HTR4: variants seen among roughly 807,000 people sequenced by gnomAD.
HTR4 encodes the protein 5-hydroxytryptamine receptor 4, also known as 5-hydroxytryptamine (serotonin) receptor 4, G protein-coupled.
HTR4 carries 16 observed loss-of-function variants against 36.8 expected under a neutral mutation model. That is an observed-to-expected ratio of 0.43 (90% CI 0.29 to 0.66). The LOEUF (loss-of-function observed/expected upper bound fraction) is 0.66. Ranked by LOEUF, HTR4 falls within the 30% of genes least tolerant of loss-of-function variation. The pLI, the probability that HTR4 is intolerant of heterozygous loss-of-function variation, is 0.13. For synonymous variants in HTR4, 189 were observed against 185.1 expected (o/e 1.02, Z -0.17); for missense variants, 438 against 490.9 (o/e 0.89, Z 1.02).
chr5:148,484,973 G>A (rs939567464), intron 6 of HTR4, among the ~76,000 whole-genome samples: 5 of 152,018 alleles, frequency 3.3e-5, no homozygotes, highest in African/African-American at 1.2e-4. Flanking sequence ...GAAAAAGAAG[G>A]AATGAAGGTT....
rs1256994844 is a variant in HTR4, at chr5:148,550,170, A to G, written c.119T>C (p.Val40Ala). The change falls in exon 3 of 7, where the codon GTG (valine) becomes GCG (alanine). Residue 40 changes from valine (V) to alanine (A), a missense_variant. Physicochemically the swap from Val to Ala is moderately conservative, Grantham distance 64. Transcript: ENST00000377888. ...CCTGTCCCAGCACACAGCCACCATC[A>G]CCAGCAGGTTCCCCAAGATGGCCAT... ...ILMAILGNLL[V>A]MVAVCWDRQL... 6 of 1,613,944 alleles carry G rather than the reference A, an allele frequency of 3.7e-6. No individual in the cohort carries two copies. Among genetic ancestry groups the G allele is most frequent in the Non-Finnish European group, 5.1e-6 (6 of 1,180,012 alleles).
intron 4 of HTR4, among the ~76,000 whole-genome samples, chr5:148,540,241 G>C (rs1403102479): frequency 2.0e-5 from 3 of 151,356 alleles, no homozygotes; most frequent in African/African-American, 7.3e-5. Context: ...TGGGAGGAGG[G>C]AGAGGAGTAG....
At chr5:148,531,106 TTGGACTG>T (rs1239715726) in intron 4 of HTR4, among the ~76,000 whole-genome samples, 4 of 152,150 alleles carry the variant, frequency 2.6e-5, no homozygotes, top group Admixed American at 2.6e-4. Flanking sequence ...AGATGAGATG[TTGGACTG>T]TGGACTTTTG....
chr5:148,524,201 T>C (rs1053484463), intron 4 of HTR4, among the ~76,000 whole-genome samples: 14 of 152,090 alleles, frequency 9.2e-5, no homozygotes, highest in Admixed American at 6.6e-5. Context: ...ATACTCAGTT[T>C]CCTCCTTCCA....
intron 4 of HTR4, among the ~76,000 whole-genome samples, chr5:148,534,552 C>T (rs1035600783): frequency 3.3e-5 from 5 of 152,204 alleles, no homozygotes; most frequent in African/African-American, 4.8e-5. Context: ...AGCCTCTCTG[C>T]CACTGCTTCT....
At chr5:148,651,768 CA>C in intron 1 of HTR4, among the ~76,000 whole-genome samples, 1 of 150,812 alleles carries the variant, frequency 6.6e-6, no homozygotes, top group Admixed American at 6.6e-5. Context: ...TTTCAATATT[CA>C]AAAAGGCAGT....
intron 2 of HTR4, among the ~76,000 whole-genome samples, chr5:148,562,388 G>A (rs936892086): frequency 2.0e-5 from 3 of 152,184 alleles, no homozygotes; most frequent in Admixed American, 2.0e-4. Context: ...TTTACTGGGA[G>A]TCATTCATTC....
chr5:148,499,520 T>C (rs983951152), intron 6 of HTR4, among the ~76,000 whole-genome samples: 2 of 152,190 alleles, frequency 1.3e-5, no homozygotes, highest in African/African-American at 2.4e-5. Context: ...TACCAGCTGA[T>C]TGGTTTCTTT....
chr5:148,609,185 T>C (rs549458185), intron 2 of HTR4, among the ~76,000 whole-genome samples: 3 of 152,222 alleles, frequency 2.0e-5, no homozygotes, highest in African/African-American at 4.8e-5. Context: ...TATAATGGCA[T>C]TGCATTGCAC....
In HTR4 at chr5:148,481,939, C is replaced by T; in HGVS notation, c.*1264G>A. ...AAACAAAGCCAAAAGGCAGGCAGGC[C>T]ATGGCTTCTCGAGGTAGCAGACGGC... On this transcript the variant is annotated 3_prime_UTR_variant, in exon 7 of 7. Transcript: ENST00000377888. The T allele has an allele frequency of 9.1e-7, 1 of 1,096,242 alleles. No homozygotes were observed. Among genetic ancestry groups the T allele is most frequent in the Non-Finnish European group, 1.1e-6 (1 of 902,510 alleles). 67.9% of individuals were successfully genotyped at this position (1,096,242 alleles called of 1,614,324 possible).
intron 2 of HTR4, among the ~76,000 whole-genome samples, chr5:148,615,001 G>A (rs1272810816): frequency 2.0e-5 from 3 of 152,156 alleles, no homozygotes; most frequent in Admixed American, 2.0e-4. Context: ...ACACCAGTTA[G>A]AATGGCAATC....
intron 4 of HTR4, among the ~76,000 whole-genome samples, chr5:148,541,424 G>A (rs567890876): frequency 3.9e-5 from 6 of 152,308 alleles, no homozygotes; most frequent in Non-Finnish European, 7.3e-5. Flanking sequence ...ATATTCTGGA[G>A]CAAGGCAGAC....
chr5:148,525,089 T>C (rs1361267203), intron 4 of HTR4, among the ~76,000 whole-genome samples: 14 of 152,154 alleles, frequency 9.2e-5, no homozygotes, highest in Admixed American at 9.2e-4. Flanking sequence ...TGGGAGACTG[T>C]CTTGCTCCGA....
At chr5:148,625,044 T>TG (rs1753045040) in intron 2 of HTR4, among the ~76,000 whole-genome samples, 1 of 151,954 alleles carries the variant, frequency 6.6e-6, no homozygotes, top group South Asian at 2.1e-4. Context: ...TCAGGAGGCT[T>TG]GGGGGTCAGG....
At chr5:148,605,928 A>G (rs966679619) in intron 2 of HTR4, among the ~76,000 whole-genome samples, 37 of 152,156 alleles carry the variant, frequency 2.4e-4, no homozygotes, top group African/African-American at 8.9e-4. Flanking sequence ...AATTCTACAG[A>G]TCCTACTATA....
chr5:148,565,161 T>C (rs867843648), intron 2 of HTR4, among the ~76,000 whole-genome samples: 75 of 152,096 alleles, frequency 4.9e-4, no homozygotes, highest in Middle Eastern at 6.8e-3. Flanking sequence ...ACTTACAATG[T>C]TGTTTGGCAT....
chr5:148,496,849 G>T (rs953572536), intron 6 of HTR4, among the ~76,000 whole-genome samples: 2 of 152,210 alleles, frequency 1.3e-5, no homozygotes, highest in African/African-American at 4.8e-5. Context: ...TCTTGCTAGT[G>T]TATCCCTTGC....
chr5:148,622,460 C>T (rs1482709439), intron 2 of HTR4, among the ~76,000 whole-genome samples: 1 of 152,194 alleles, frequency 6.6e-6, no homozygotes, highest in Admixed American at 6.5e-5. Flanking sequence ...TATAAAACCA[C>T]CATGCCTCTC....
intron 3 of HTR4, among the ~76,000 whole-genome samples, 182 bp from the exon 4 acceptor site, chr5:148,549,050 T>C (rs1759543123): frequency 6.6e-6 from 1 of 152,132 alleles, no homozygotes; most frequent in South Asian, 2.1e-4. Flanking sequence ...AATTTCCCCT[T>C]CTGTAACATG....
Sources: allele counts gnomAD v4.1 joint callset (sites outside exome capture counted in the v4.1 genomes callset), GRCh38; gene constraint gnomAD v4.1.1; transcripts MANE v1.5; gene names NCBI Gene and HGNC (gene_info 2026-07-23, HGNC 2026-07-21).